DLK1: variants seen among roughly 807,000 people sequenced by gnomAD.
DLK1 encodes the protein protein delta homolog 1.
DLK1 carries 9 observed loss-of-function variants against 35.2 expected under a neutral mutation model. That is an observed-to-expected ratio of 0.26 (90% CI 0.15 to 0.45). The LOEUF (loss-of-function observed/expected upper bound fraction) is 0.45, where lower values mean the gene tolerates loss of function less well. DLK1 is among the 20% of genes least tolerant of loss of function. The pLI is 1.00. For missense variants in DLK1, 522 were observed against 528.5 expected (o/e 0.99, Z 0.12); for synonymous variants, 231 against 228.4 (o/e 1.01, Z -0.10).
chr14:100,734,760 A>C lies in DLK1; in HGVS notation c.1016A>C (p.Tyr339Ser). The C allele has an allele frequency of 6.2e-7, 1 of 1,614,054 alleles. No individual in the cohort carries two copies. Among genetic ancestry groups the C allele is most frequent in the South Asian group, 1.1e-5 (1 of 91,086 alleles). Residue 339 changes from tyrosine to serine, a missense_variant, in exon 5 of 5, where the codon TAC (tyrosine) becomes TCC (serine). Physicochemically the swap from Tyr to Ser is moderately radical, Grantham distance 144 (BLOSUM62 -2). Transcript: ENST00000341267. The surrounding 1 kb of genome is among the most constrained non-coding windows in gnomAD (Gnocchi z 7.4). ...KCETWVSNLR[Y>S]NHMLRKKKNL... ...GAGACCTGGGTGTCCAACCTGCGCT[A>C]CAACCACATGCTGCGGAAGAAGAAG...
intron 3 of DLK1, among the ~76,000 whole-genome samples, chr14:100,731,134 A>C (rs547579667): frequency 6.6e-6 from 1 of 152,130 alleles, no homozygotes; most frequent in Non-Finnish European, 1.5e-5. Flanking sequence ...TGAGGCCCAG[A>C]ATGGGTAGGA....
chr14:100,727,965 G>C (rs899789925), intron 1 of DLK1, among the ~76,000 whole-genome samples: 3 of 152,120 alleles, frequency 2.0e-5, no homozygotes, highest in Non-Finnish European at 4.4e-5. Flanking sequence ...GAACCTGTCT[G>C]GGCTTTCCCG....
intron 1 of DLK1, 80 bp downstream of exon 1, chr14:100,727,215 C>T: frequency 7.1e-7 from 1 of 1,402,200 alleles, no homozygotes; most frequent in Admixed American, 2.3e-5. Context: ...GCCCCGCACG[C>T]CCCGTCTCGT....
chr14:100,734,768 A>G lies in DLK1; in HGVS notation c.1024A>G (p.Met342Val), dbSNP rs2139865558. 10 of 1,614,018 alleles carry G rather than the reference A, an allele frequency of 6.2e-6. No homozygotes were observed. Among genetic ancestry groups the G allele is most frequent in the Middle Eastern group, 1.6e-4 (1 of 6,062 alleles). ...GGTGTCCAACCTGCGCTACAACCAC[A>G]TGCTGCGGAAGAAGAAGAACCTGCT... is the stretch of plus-strand genomic sequence containing the variant. ...TWVSNLRYNH[M>V]LRKKKNLLLQ... The change falls in exon 5 of 5, where the codon ATG becomes GTG. Residue 342 changes from methionine to valine, a missense_variant. By Grantham distance (21) the Met-to-Val change is conservative. Coordinates refer to ENST00000341267, the MANE Select transcript of DLK1 (RefSeq NM_003836.7). This position sits in a 1 kb window ranked among gnomAD's most constrained non-coding sequence, Gnocchi z 7.4.
rs1451451175 is a variant in DLK1 at position 100,736,230 on chromosome 14, C to G, written c.*1334C>G. On this transcript the variant is annotated 3_prime_UTR_variant, in exon 5 of 5. Transcript: ENST00000341267. Reference sequence around the variant, plus strand: ...TTTGCAAAAATAGAAAGAAATGGGACAGAGCTCTGTTTAGCTTTTCAGCTT... The same window carrying G: ...TTTGCAAAAATAGAAAGAAATGGGAGAGAGCTCTGTTTAGCTTTTCAGCTT... 1 of 150,414 alleles carries G rather than the reference C, an allele frequency of 6.6e-6. No homozygotes were observed. The highest frequency in any genetic ancestry group is 6.6e-5 in the Admixed American group (1 of 15,074). The allele number at this position is 150,414 out of a possible 1,614,324, so 9.3% of individuals were successfully genotyped here. A position where few individuals can be genotyped will look rare whatever the true frequency, so the allele number is the denominator to read the frequency against.
intron 3 of DLK1, among the ~76,000 whole-genome samples, chr14:100,730,920 G>A (rs1452999352): frequency 1.3e-5 from 2 of 152,080 alleles, no homozygotes; most frequent in Non-Finnish European, 2.9e-5. Flanking sequence ...CTCTGAGAGG[G>A]GGAAAAAATA....
In DLK1 at chr14:100,737,023, C is replaced by G. The variant is rs1282611147; in HGVS notation, c.*2127C>G. On this transcript the variant is annotated 3_prime_UTR_variant, in exon 5 of 5. Coordinates refer to ENST00000341267, the MANE Select transcript of DLK1 (RefSeq NM_003836.7). ...GTCATCCTTCCCCTCTGATCCCCCA[C>G]CCTTCCCCTCCTGTCCTCCCCAGCC... is the stretch of plus-strand genomic sequence containing the variant. The G allele has an allele frequency of 1.0e-5, 1 of 95,586 alleles. No homozygotes were observed. The highest frequency in any genetic ancestry group is 2.1e-5 in the Non-Finnish European group (1 of 46,556). 5.9% of individuals were successfully genotyped at this position (95,586 alleles called of 1,614,324 possible).
At chr14:100,731,617 C>T (rs1464706012) in intron 3 of DLK1, among the ~76,000 whole-genome samples, 1 of 152,066 alleles carries the variant, frequency 6.6e-6, no homozygotes, top group Non-Finnish European at 1.5e-5. Context: ...TGTATTCATC[C>T]CCCGGCTGGC....
In DLK1 at chr14:100,734,165, G is replaced by C; in HGVS notation, c.421G>C (p.Gly141Arg). 6.2e-7 allele frequency: 1 copy of C among 1,608,220 alleles called. No homozygotes were observed. Among genetic ancestry groups the C allele is most frequent in the Non-Finnish European group, 8.5e-7 (1 of 1,177,404 alleles). Residue 141 changes from glycine to arginine, a missense_variant, in exon 5 of 5, where the codon GGA becomes CGA. Coordinates refer to ENST00000341267, the MANE Select transcript of DLK1 (RefSeq NM_003836.7). The surrounding 1 kb of genome is among the most constrained non-coding windows in gnomAD (Gnocchi z 7.4). ...GTGTTGCAGCTCCCCCTGCCAGCACGGAGGCACCTGCGTGGATGATGAGGG... is the reference window on the plus strand; with the variant it reads ...GTGTTGCAGCTCCCCCTGCCAGCACCGAGGCACCTGCGTGGATGATGAGGG... ...CVINGSPCQH[G>R]GTCVDDEGRA...
rs771192454 is a variant in DLK1 at position 100,734,729 on chromosome 14, A to C, written c.985A>C (p.Lys329Gln). 2.5e-6 allele frequency: 4 copies of C among 1,614,036 alleles called. No homozygotes were observed. The highest frequency in any genetic ancestry group is 3.4e-6 in the Non-Finnish European group (4 of 1,180,022). ...LGTVGIVFLN[K>Q]CETWVSNLRY... ...CACTGTGGGTATCGTCTTCCTCAAC[A>C]AGTGCGAGACCTGGGTGTCCAACCT... The change falls in exon 5 of 5, where the codon AAG (lysine) becomes CAG (glutamine). Residue 329 changes from lysine to glutamine, a missense_variant. By Grantham distance (53) the Lys-to-Gln change is moderately conservative. Coordinates refer to ENST00000341267, the MANE Select transcript of DLK1 (RefSeq NM_003836.7). This position sits in a 1 kb window ranked among gnomAD's most constrained non-coding sequence, Gnocchi z 7.4.
At chr14:100,727,902 T>C (rs1433242798) in intron 1 of DLK1, among the ~76,000 whole-genome samples, 3 of 152,082 alleles carry the variant, frequency 2.0e-5, no homozygotes, top group Non-Finnish European at 4.4e-5. Flanking sequence ...CCCGGCTTAA[T>C]AGGGATGAAC....
chr14:100,734,288 G>T lies in DLK1; in HGVS notation c.544G>T (p.Asp182Tyr). 6.2e-7 allele frequency: 1 copy of T among 1,613,462 alleles called. No individual in the cohort carries two copies. Among genetic ancestry groups the T allele is most frequent in the African/African-American group, 1.3e-5 (1 of 75,056 alleles). Residue 182 changes from aspartate to tyrosine, a missense_variant, in exon 5 of 5, where the codon GAC becomes TAC. Transcript: ENST00000341267. This position sits in a 1 kb window ranked among gnomAD's most constrained non-coding sequence, Gnocchi z 7.4. ...NSCTPNPCEN[D>Y]GVCTDIGGDF... ...CTGCACCCCCAACCCATGCGAGAAC[G>T]ACGGCGTCTGCACTGACATTGGGGG...
intron 3 of DLK1, among the ~76,000 whole-genome samples, chr14:100,730,428 C>G (rs913510885): frequency 5.3e-5 from 8 of 152,202 alleles, no homozygotes; most frequent in African/African-American, 1.9e-4. Context: ...ACAAAGGCAG[C>G]CAGCTTGGGG....
At position 100,734,364 on chromosome 14, in the gene DLK1, G is replaced by T. The variant is rs200026661; in HGVS notation, c.620G>T (p.Arg207Leu). The T allele has an allele frequency of 6.2e-7, 1 of 1,612,120 alleles. No individual in the cohort carries two copies. Residue 207 changes from arginine to leucine, a missense_variant, in exon 5 of 5, where the codon CGC (arginine) becomes CTC (leucine). By Grantham distance (102) the Arg-to-Leu change is moderately radical. Coordinates refer to ENST00000341267, the MANE Select transcript of DLK1 (RefSeq NM_003836.7). The surrounding 1 kb of genome is among the most constrained non-coding windows in gnomAD (Gnocchi z 7.4). ...GGCTTCATCGACAAGACCTGCAGCC[G>T]CCCGGTGACCAACTGCGCCAGCAGC... is the stretch of plus-strand genomic sequence containing the variant. Reference protein sequence around the residue: ...PAGFIDKTCSRPVTNCASSPC... With the variant: ...PAGFIDKTCSLPVTNCASSPC...
intron 4 of DLK1, among the ~76,000 whole-genome samples, chr14:100,732,924 C>T (rs1397987812): frequency 6.6e-6 from 1 of 152,204 alleles, no homozygotes; most frequent in African/African-American, 2.4e-5. Context: ...AACTTGAACC[C>T]AGTCCTGGGC....
Position 100,734,518 on chromosome 14 carries a change from G to A in DLK1, c.774G>A (p.Leu258=). The A allele has an allele frequency of 1.2e-6, 2 of 1,611,720 alleles. No homozygotes were observed. The highest frequency in any genetic ancestry group is 1.7e-6 in the Non-Finnish European group (2 of 1,178,948). ...TGAGCCCCCAGCAGGTCACCCGTCT[G>A]CCCAGCGGCTATGGGCTGGCCTACC... ...RALSPQQVTR[L]PSGYGLAYRL... Residue 258 remains leucine (L), a synonymous_variant, in exon 5 of 5, where the codon CTG becomes CTA. Coordinates refer to ENST00000341267, the MANE Select transcript of DLK1 (RefSeq NM_003836.7). This position sits in a 1 kb window ranked among gnomAD's most constrained non-coding sequence, Gnocchi z 7.4.
rs1284552400 is a variant in DLK1 at position 100,732,032 on chromosome 14, C to T, written c.263-10C>T. 4 of 1,605,220 alleles carry T rather than the reference C, an allele frequency of 2.5e-6. No homozygotes were observed. The African/African-American group carries it at 4.0e-5, about 16-fold the overall frequency. On this transcript the variant is annotated splice_polypyrimidine_tract_variant and intron_variant, in intron 3 of 4. Coordinates refer to ENST00000341267, the MANE Select transcript of DLK1 (RefSeq NM_003836.7). ...GAAGCTAAGTTCTCGTCTTCCCCGT[C>T]ACCCCGCAGATGTTCGGGCCTGCTC...
At chr14:100,729,448 T>G (rs2036481721) in intron 3 of DLK1, among the ~76,000 whole-genome samples, 1 of 151,332 alleles carries the variant, frequency 6.6e-6, no homozygotes. Flanking sequence ...ATCTCAGAGC[T>G]AAGACTCCCT....
chr14:100,731,472 A>G (rs2036505979), intron 3 of DLK1, among the ~76,000 whole-genome samples: 1 of 152,170 alleles, frequency 6.6e-6, no homozygotes, highest in Non-Finnish European at 1.5e-5. Flanking sequence ...GAGAGACCAC[A>G]GGGACACGTG....
Sources: gnomAD v4.1 joint callset for allele counts (sites outside exome capture counted in the v4.1 genomes callset) on GRCh38, gnomAD v4.1.1 for gene constraint, Gnocchi (gnomAD v3.1) non-coding constraint, MANE v1.5 for transcripts, NCBI Gene and HGNC (gene_info 2026-07-23, HGNC 2026-07-21) for gene names.